The following CNGA3 variants were observed in gnomAD, a reference collection of about 807,000 sequenced individuals.
CNGA3 encodes cyclic nucleotide gated channel subunit alpha 3.
A neutral mutation model predicts 46.6 loss-of-function variants in CNGA3; 42 were observed. The ratio of observed to expected loss-of-function variants is 0.90; its 90% CI spans 0.70 to 1.17. CNGA3 has a LOEUF of 1.17. Among genes scored for constraint, CNGA3 ranks in the 50% most tolerant of loss-of-function variants. CNGA3 has a pLI of 0.00. For synonymous variants in CNGA3, 394 were observed against 369.4 expected (o/e 1.07, Z -0.76); for missense variants, 893 against 890.7 (o/e 1.00, Z -0.03).
At chr2:98,369,117 G>A (rs1558808048) in intron 1 of CNGA3, among the ~76,000 whole-genome samples, 1 of 152,176 alleles carries the variant, frequency 6.6e-6, no homozygotes. Context: ...TTTAGCTTTG[G>A]GAAAGGGCTT....
intron 1 of CNGA3, among the ~76,000 whole-genome samples, chr2:98,368,607 C>T (rs1228433458): frequency 6.6e-6 from 1 of 152,200 alleles, no homozygotes; most frequent in African/African-American, 2.4e-5. Context: ...GGTTCACCTT[C>T]CCCACTGCCT....
intron 7 of CNGA3, among the ~76,000 whole-genome samples, chr2:98,392,222 CA>C (rs1692806765): frequency 6.6e-6 from 1 of 152,186 alleles, no homozygotes; most frequent in African/African-American, 2.4e-5. Context: ...TGACCTTGAG[CA>C]AGTCAGGCTG....
At chr2:98,381,786 T>G in intron 4 of CNGA3, among the ~76,000 whole-genome samples, 1 of 148,058 alleles carries the variant, frequency 6.8e-6, no homozygotes, top group Admixed American at 6.8e-5. Flanking sequence ...TGCAGGGAGG[T>G]CCCAGGTTCC....
Position 98,396,857 on chromosome 2 carries a change from C to T in CNGA3, c.1687C>T (p.Arg563Cys), listed in dbSNP as rs150153987. Reference protein sequence around the residue: ...LNIKGSKSGNRRTANIRSIGY... With the variant: ...LNIKGSKSGNCRTANIRSIGY... Reference sequence around the variant, plus strand: ...CATCAAGGGGAGCAAGTCGGGGAACCGCAGGACGGCCAACATCCGCAGCAT... The same window carrying T: ...CATCAAGGGGAGCAAGTCGGGGAACTGCAGGACGGCCAACATCCGCAGCAT... Residue 563 changes from arginine to cysteine, a missense_variant, in exon 8 of 8, where the codon CGC becomes TGC. By Grantham distance (180) the Arg-to-Cys change is radical (BLOSUM62 -3). Around this residue, in one of 3 missense-constraint regions of CNGA3, gnomAD observed 548 missense variants for 570.8 expected, o/e 0.96. Coordinates refer to ENST00000272602, the MANE Select transcript of CNGA3 (RefSeq NM_001298.3). 8.7e-6 allele frequency: 14 copies of T among 1,614,024 alleles called. No homozygotes were observed. Among genetic ancestry groups the T allele is most frequent in the African/African-American group, 5.3e-5 (4 of 74,898 alleles).
intron 3 of CNGA3, chr2:98,378,275 C>G: frequency 6.7e-7 from 1 of 1,488,430 alleles, no homozygotes. Flanking sequence ...ACTCCAAGCT[C>G]TGCTTCCCCC....
rs1159731816 is a variant in CNGA3, at chr2:98,350,328, A to C, written c.-38+3794A>C. Among the ~76,000 whole-genome samples, 8 of 152,352 alleles carry C rather than the reference A, an allele frequency of 5.3e-5. No individual in the cohort carries two copies. In the South Asian group the frequency reaches 1.2e-3, roughly 24 times the overall value. On this transcript the variant is annotated intron_variant, in intron 1 of 7. Transcript: ENST00000272602. Reference sequence around the variant, plus strand: ...GTGCCTGACATATCGTAAGTGCTCAAAGTTAGATATGGACATCTTATTACC... The same window carrying C: ...GTGCCTGACATATCGTAAGTGCTCACAGTTAGATATGGACATCTTATTACC...
intron 1 of CNGA3, among the ~76,000 whole-genome samples, chr2:98,360,959 A>G (rs968327704): frequency 4.6e-5 from 7 of 151,880 alleles, no homozygotes; most frequent in African/African-American, 1.7e-4. Context: ...AACTACTACT[A>G]TTTGGATAAC....
chr2:98,390,083 G>T (rs1482394722), intron 6 of CNGA3, among the ~76,000 whole-genome samples: 1 of 152,080 alleles, frequency 6.6e-6, no homozygotes, highest in Non-Finnish European at 1.5e-5. Context: ...AGGGATAAGT[G>T]GGTGGTTCTG....
chr2:98,350,307 C>T (rs142417187), intron 1 of CNGA3, among the ~76,000 whole-genome samples: 1 of 152,260 alleles, frequency 6.6e-6, no homozygotes, highest in East Asian at 1.9e-4. Context: ...AGCTCAGTGC[C>T]TGACATATCG....
At chr2:98,386,057 G>T (rs1035296390) in intron 5 of CNGA3, among the ~76,000 whole-genome samples, 2 of 152,120 alleles carry the variant, frequency 1.3e-5, no homozygotes. Flanking sequence ...TTGTAATAGG[G>T]TCTTATTACA....
chr2:98,363,484 G>C (rs1237818484), intron 1 of CNGA3, among the ~76,000 whole-genome samples: 1 of 152,096 alleles, frequency 6.6e-6, no homozygotes, highest in Non-Finnish European at 1.5e-5. Context: ...TGTGACTTTT[G>C]TATCCTGACA....
rs1692915620 is a variant in CNGA3 at position 98,396,437 on chromosome 2, T to C, written c.1267T>C (p.Tyr423His). The change falls in exon 8 of 8, where the codon TAC becomes CAC. Residue 423 changes from tyrosine (Y) to histidine (H), a missense_variant. Physicochemically the swap from Tyr to His is moderately conservative, Grantham distance 83. Transcript: ENST00000272602. ...FQAKIDSIKQ[Y>H]MQFRKVTKDL... ...GGCCAAGATTGATTCCATCAAGCAG[T>C]ACATGCAGTTCCGCAAGGTCACCAA... 1 of 1,613,874 alleles carries C rather than the reference T, an allele frequency of 6.2e-7. No homozygotes were observed. Among genetic ancestry groups the C allele is most frequent in the African/African-American group, 1.3e-5 (1 of 74,908 alleles).
At chr2:98,362,588 C>T (rs1243959042) in intron 1 of CNGA3, among the ~76,000 whole-genome samples, 1 of 151,968 alleles carries the variant, frequency 6.6e-6, no homozygotes, top group Admixed American at 6.6e-5. Context: ...AAATTTTCTC[C>T]CATTCTGTAG....
intron 1 of CNGA3, among the ~76,000 whole-genome samples, chr2:98,350,161 G>A (rs1336324307): frequency 6.6e-6 from 1 of 152,132 alleles, no homozygotes; most frequent in Non-Finnish European, 1.5e-5. Flanking sequence ...TCTGCCACTG[G>A]GTGACTTTGA....
intron 6 of CNGA3, 62 bp from the exon 7 acceptor site, chr2:98,391,802 G>T: frequency 6.6e-7 from 1 of 1,518,706 alleles, no homozygotes; most frequent in East Asian, 2.3e-5. Context: ...GTGCCCACAG[G>T]TGGGTGGTCC....
chr2:98,378,230 T>A, intron 3 of CNGA3: 4 of 1,541,840 alleles, frequency 2.6e-6, no homozygotes, highest in Non-Finnish European at 1.7e-6. Context: ...CAGGTAGGTG[T>A]CCTTGCAAAA....
At chr2:98,347,237 T>A (rs1691653542) in intron 1 of CNGA3, 1 of 152,128 alleles carries the variant, frequency 6.6e-6, no homozygotes, top group Admixed American at 6.5e-5. Context: ...TTACTTTTTT[T>A]AATGATAAAA....
intron 1 of CNGA3, among the ~76,000 whole-genome samples, chr2:98,360,266 G>A (rs1691997799): frequency 6.6e-6 from 1 of 152,224 alleles, no homozygotes; most frequent in Admixed American, 6.5e-5. Flanking sequence ...CTGGCACCTA[G>A]TGGCCCTCAA....
intron 5 of CNGA3, 57 bp from the exon 6 acceptor site, chr2:98,389,601 C>A (rs1033510015): frequency 4.0e-6 from 6 of 1,516,962 alleles, no homozygotes; most frequent in African/African-American, 1.4e-5. Flanking sequence ...CTCTAAAACC[C>A]TCCAAAGCTA....
Sources: allele counts gnomAD v4.1 joint callset (sites outside exome capture counted in the v4.1 genomes callset), GRCh38; gene constraint gnomAD v4.1.1; regional missense constraint gnomAD v4.1.1; transcripts MANE v1.5; gene names NCBI Gene and HGNC (gene_info 2026-07-23, HGNC 2026-07-21).